The following KAT6B variants were observed in gnomAD, a reference collection of about 807,000 sequenced individuals.
KAT6B encodes lysine acetyltransferase 6B.
KAT6B carries 10 observed loss-of-function variants against 187.5 expected under a neutral mutation model. The ratio of observed to expected loss-of-function variants is 0.05; its 90% CI spans 0.03 to 0.09. The LOEUF (loss-of-function observed/expected upper bound fraction) is 0.09, where lower values mean the gene tolerates loss of function less well. KAT6B is among the 10% of genes least tolerant of loss of function. The probability of loss-of-function intolerance (pLI) is 1.00; values close to 1 mark genes in which losing one functional copy is unlikely to be tolerated. For synonymous variants in KAT6B, 861 were observed against 926.8 expected, an observed-to-expected ratio of 0.93 and a Z score of 1.29; for missense variants, 1,952 against 2,558.9, an observed-to-expected ratio of 0.76 and a Z score of 5.12.
intron 3 of KAT6B, among the ~76,000 whole-genome samples, chr10:74,898,467 A>G (rs562607265): frequency 1.3e-5 from 2 of 151,568 alleles, no homozygotes; most frequent in African/African-American, 4.8e-5. Context: ...TTTTTTTTTA[A>G]GGGAATAGGG....
chr10:74,882,013 C>T (rs886242282), intron 3 of KAT6B, among the ~76,000 whole-genome samples: 1 of 152,162 alleles, frequency 6.6e-6, no homozygotes, highest in Non-Finnish European at 1.5e-5. Flanking sequence ...AGAAAGCACC[C>T]TTGGTGGGTG....
chr10:74,913,614 CT>C (rs1847414428), intron 3 of KAT6B, among the ~76,000 whole-genome samples: 1 of 152,208 alleles, frequency 6.6e-6, no homozygotes. Context: ...CAACTTGAAT[CT>C]TGCTAAAGAA....
chr10:74,880,005 C>G (rs1428701472), intron 3 of KAT6B, among the ~76,000 whole-genome samples: 1 of 151,964 alleles, frequency 6.6e-6, no homozygotes, highest in East Asian at 1.9e-4. Context: ...CCATTGCACT[C>G]TAGCCTGGGC....
upstream of KAT6B, among the ~76,000 whole-genome samples, chr10:74,826,129 G>C (rs1486198656): frequency 2.6e-5 from 4 of 152,116 alleles, no homozygotes; most frequent in African/African-American, 9.7e-5. Flanking sequence ...TGCGGGCTAG[G>C]GGGTTTGGGG....
At chr10:75,003,859 T>G (rs1844021855) in intron 13 of KAT6B, among the ~76,000 whole-genome samples, 1 of 152,222 alleles carries the variant, frequency 6.6e-6, no homozygotes, top group Non-Finnish European at 1.5e-5. Flanking sequence ...TTTATTTGTG[T>G]ATCTTTTTTT....
rs539974473 is a variant in KAT6B, at chr10:74,866,067, T to A, written c.621+22589T>A. Among the ~76,000 whole-genome samples the A allele has an allele frequency of 2.1e-4, 32 of 152,242 alleles. No homozygotes were observed. In the South Asian group the frequency reaches 5.2e-3, roughly 25 times the overall value. Reference sequence around the variant, plus strand: ...GGGCCAGCTGCAGGACTTGAGTATGTGTGGATTTTGTTATAGTCTGAGGTC... The same window carrying A: ...GGGCCAGCTGCAGGACTTGAGTATGAGTGGATTTTGTTATAGTCTGAGGTC... On this transcript the variant is annotated intron_variant, in intron 3 of 17. Coordinates refer to ENST00000287239, the MANE Select transcript of KAT6B (RefSeq NM_012330.4).
rs545937827 is a variant in KAT6B, at chr10:74,875,085, G to A, written c.621+31607G>A. Among the ~76,000 whole-genome samples, 2 of 152,274 alleles carry A rather than the reference G, an allele frequency of 1.3e-5. 1 individual carries two copies. The highest frequency in any genetic ancestry group is 4.1e-4 in the South Asian group (2 of 4,822). ...TTACTCCTGGTGTTGTATATTCTAT[G>A]GGTGTGAGATACATGTTTAAAAATA... On this transcript the variant is annotated intron_variant, in intron 3 of 17. Coordinates refer to ENST00000287239, the MANE Select transcript of KAT6B (RefSeq NM_012330.4).
chr10:74,859,068 T>C (rs573457995), intron 3 of KAT6B, among the ~76,000 whole-genome samples: 30 of 151,934 alleles, frequency 2.0e-4, no homozygotes, highest in Non-Finnish European at 4.0e-4. Context: ...AAGTAACATC[T>C]GAAGAATTTT....
chr10:74,828,783 G>C (rs1398020424), intron 1 of KAT6B, among the ~76,000 whole-genome samples: 1 of 151,794 alleles, frequency 6.6e-6, no homozygotes, highest in Non-Finnish European at 1.5e-5. Flanking sequence ...TAGCCAGGAT[G>C]GTCTCGAACT....
chr10:74,921,326 C>T (rs187145995), intron 3 of KAT6B, among the ~76,000 whole-genome samples: 40 of 152,154 alleles, frequency 2.6e-4, no homozygotes, highest in African/African-American at 9.4e-4. Context: ...GTTGGCCAGG[C>T]CGGTCTGGAA....
At chr10:74,866,678 A>T (rs1485030950) in intron 3 of KAT6B, among the ~76,000 whole-genome samples, 2 of 151,916 alleles carry the variant, frequency 1.3e-5, no homozygotes, top group Admixed American at 6.6e-5. Context: ...TTATTATTTT[A>T]AAAAGTTTCA....
At chr10:74,932,649 G>A (rs1039646903) in intron 3 of KAT6B, among the ~76,000 whole-genome samples, 1 of 152,200 alleles carries the variant, frequency 6.6e-6, no homozygotes, top group African/African-American at 2.4e-5. Flanking sequence ...GGAATGGGGG[G>A]CCAAGCATGG....
At chr10:74,852,007 C>T (rs1842510917) in intron 3 of KAT6B, among the ~76,000 whole-genome samples, 2 of 152,296 alleles carry the variant, frequency 1.3e-5, no homozygotes, top group South Asian at 2.1e-4. Context: ...TTATGAAGGA[C>T]TATTCATTAG....
chr10:74,853,631 T>A lies in KAT6B; in HGVS notation c.621+10153T>A, dbSNP rs1842633118. 4.0e-5 allele frequency among the ~76,000 whole-genome samples: 6 copies of A among 149,188 alleles called. No homozygotes were observed. In the Admixed American group the frequency reaches 4.0e-4, roughly 10 times the overall value. The stretch of plus-strand genomic sequence containing the variant: ...TATATAAGAAATGCCTTTTTTTTTT[T>A]TTTTTTTTTAATTTGAGATGGAGTC... On this transcript the variant is annotated intron_variant, in intron 3 of 17. Transcript: ENST00000287239.
At chr10:74,888,846 A>G (rs1170653537) in intron 3 of KAT6B, among the ~76,000 whole-genome samples, 1 of 152,206 alleles carries the variant, frequency 6.6e-6, no homozygotes, top group Admixed American at 6.5e-5. Context: ...TGTGGTATAG[A>G]TCTTTATGCA....
chr10:74,952,230 G>T (rs1339190771), intron 3 of KAT6B, among the ~76,000 whole-genome samples: 1 of 151,984 alleles, frequency 6.6e-6, no homozygotes, highest in Non-Finnish European at 1.5e-5. Context: ...TAGTGCGCCA[G>T]TATAGTCCCA....
intron 9 of KAT6B, among the ~76,000 whole-genome samples, chr10:74,978,809 G>A (rs1172383091): frequency 6.6e-6 from 1 of 152,172 alleles, no homozygotes; most frequent in African/African-American, 2.4e-5. Context: ...GAAACTGTAA[G>A]CTTCTGTAAT....
At chr10:74,866,219 T>C (rs569722413) in intron 3 of KAT6B, among the ~76,000 whole-genome samples, 34 of 151,986 alleles carry the variant, frequency 2.2e-4, no homozygotes, top group African/African-American at 8.0e-4. Context: ...ATGTTATTGT[T>C]CTTCAATATG....
rs1176162121 is a variant in KAT6B, at chr10:75,021,940, A to G, written c.3081A>G (p.Ser1027=). 1 of 1,614,220 alleles carries G rather than the reference A, an allele frequency of 6.2e-7. No homozygotes were observed. The highest frequency in any genetic ancestry group is 8.5e-7 in the Non-Finnish European group (1 of 1,180,044). ...CWEKEEQEIL[S]TRANSRQSPA... ...AGAAGGAGGAACAAGAAATCCTGTC[A>G]ACTAGAGCTAACAGTAGGCAATCAC... The change falls in exon 16 of 18, where the codon TCA becomes TCG. Residue 1027 remains serine (S), a synonymous_variant. Coordinates refer to ENST00000287239, the MANE Select transcript of KAT6B (RefSeq NM_012330.4).
Sources: allele counts gnomAD v4.1 joint callset (sites outside exome capture counted in the v4.1 genomes callset), GRCh38; gene constraint gnomAD v4.1.1; transcripts MANE v1.5; gene names NCBI Gene and HGNC (gene_info 2026-07-23, HGNC 2026-07-21).